WDFY4: variants seen among roughly 807,000 people sequenced by gnomAD.
WDFY4 encodes WDFY family member 4.
A neutral mutation model predicts 351.9 loss-of-function variants in WDFY4; 169 were observed. The ratio of observed to expected loss-of-function variants is 0.48; its 90% CI spans 0.42 to 0.55. WDFY4 has a LOEUF of 0.55. WDFY4 is among the 20% of genes least tolerant of loss of function. WDFY4 has a pLI of 0.00. For synonymous variants in WDFY4, 1,622 were observed against 1,574.6 expected (o/e 1.03, Z -0.71); for missense variants, 3,803 against 3,935.6 (o/e 0.97, Z 0.90).
rs140800694 is a variant in WDFY4 at position 48,895,911 on chromosome 10, G to A, written c.7317-1543G>A. Among the ~76,000 whole-genome samples the A allele has an allele frequency of 2.8e-3, 430 of 152,198 alleles. 1 individual carries two copies. Among genetic ancestry groups the A allele is most frequent in the Non-Finnish European group, 5.2e-3 (356 of 67,978 alleles). On this transcript the variant is annotated intron_variant, in intron 44 of 61. Transcript: ENST00000325239. ...GTTCCTCCAGGTGCCCAGGAGGTGG[G>A]TCCCTCATCACACGTGGGTCCCTTC...
intron 8 of WDFY4, 30 bp downstream of exon 8, chr10:48,729,619 A>G (rs1195592270): frequency 6.5e-7 from 1 of 1,550,356 alleles, no homozygotes; most frequent in Non-Finnish European, 8.7e-7. Context: ...GGGTGACCGG[A>G]AGAGTCAGTG....
intron 61 of WDFY4, among the ~76,000 whole-genome samples, chr10:48,982,045 G>T (rs1842830967): frequency 6.6e-6 from 1 of 152,214 alleles, no homozygotes; most frequent in African/African-American, 2.4e-5. Flanking sequence ...TCCCTCACTG[G>T]CGTGGCGTGG....
intron 40 of WDFY4, among the ~76,000 whole-genome samples, chr10:48,868,886 G>A (rs963854030): frequency 3.9e-5 from 6 of 152,132 alleles, no homozygotes; most frequent in African/African-American, 1.4e-4. Flanking sequence ...TTGTGGGAAG[G>A]ATGCAACTCC....
intron 13 of WDFY4, among the ~76,000 whole-genome samples, chr10:48,770,002 C>T (rs1364667812): frequency 5.3e-5 from 8 of 152,170 alleles, no homozygotes; most frequent in Non-Finnish European, 1.0e-4. Flanking sequence ...AAGTAATATG[C>T]GTTAGGAAAA....
chr10:48,718,498 G>A (rs989728966), intron 2 of WDFY4, among the ~76,000 whole-genome samples: 1 of 152,244 alleles, frequency 6.6e-6, no homozygotes, highest in African/African-American at 2.4e-5. Flanking sequence ...CTTTGAGCAG[G>A]AGCTTAAGCG....
chr10:48,786,590 T>G, intron 19 of WDFY4, 49 bp from the exon 20 acceptor site: 1 of 1,385,948 alleles, frequency 7.2e-7, no homozygotes, highest in Non-Finnish European at 9.8e-7. Flanking sequence ...TTTACTTGAT[T>G]AACTCTGAGA....
chr10:48,777,433 C>T lies in WDFY4; in HGVS notation c.3113C>T (p.Pro1038Leu), dbSNP rs1439790372. The T allele has an allele frequency of 1.9e-6, 3 of 1,551,688 alleles. No individual in the cohort carries two copies. Among genetic ancestry groups the T allele is most frequent in the African/African-American group, 1.4e-5 (1 of 73,152 alleles). Residue 1038 changes from proline to leucine, a missense_variant, in exon 17 of 62, where the codon CCA (proline) becomes CTA (leucine). Physicochemically the swap from Pro to Leu is moderately conservative, Grantham distance 98. Transcript: ENST00000325239. ...TCTATTTCCAGCTGTTTGTTTATTC[C>T]AACCCTGTCCACAGTTATGGGAACC... ...SVEGYGCLFIPTLSTVMGTST... is the reference protein window; with the variant it reads ...SVEGYGCLFILTLSTVMGTST...
chr10:48,836,535 C>T (rs2133094376), intron 39 of WDFY4, among the ~76,000 whole-genome samples: 1 of 152,306 alleles, frequency 6.6e-6, no homozygotes, highest in Middle Eastern at 3.4e-3. Flanking sequence ...CCCTATAGCA[C>T]TGATAAATTG....
At position 48,743,486 on chromosome 10, in the gene WDFY4, G is replaced by T; in HGVS notation, c.2397G>T (p.Gln799His). 6.5e-7 allele frequency: 1 copy of T among 1,545,350 alleles called. No individual in the cohort carries two copies. The highest frequency in any genetic ancestry group is 8.7e-7 in the Non-Finnish European group (1 of 1,146,848). ...AGCAGGGGCCGGTTGTGGATGTTCAGAAGGGAGAAACTGGCAGTGACCCCC... is the reference window on the plus strand; with the variant it reads ...AGCAGGGGCCGGTTGTGGATGTTCATAAGGGAGAAACTGGCAGTGACCCCC... ...RTKQGPVVDV[Q>H]KGETGSDPQR... The change falls in exon 12 of 62, where the codon CAG becomes CAT. Residue 799 changes from glutamine to histidine, a missense_variant. This residue lies in a region of WDFY4 where 3,054 missense variants were observed against 3,148.6 expected (regional missense o/e 0.97). Transcript: ENST00000325239.
intron 49 of WDFY4, among the ~76,000 whole-genome samples, chr10:48,945,343 A>G (rs1445516292): frequency 6.6e-6 from 1 of 152,128 alleles, no homozygotes. Flanking sequence ...TCCACTCCAT[A>G]CCAGCCTGGG....
At chr10:48,864,322 A>G (rs2069458760) in intron 39 of WDFY4, among the ~76,000 whole-genome samples, 1 of 152,198 alleles carries the variant, frequency 6.6e-6, no homozygotes, top group South Asian at 2.1e-4. Flanking sequence ...TTCCATCGCC[A>G]TTTGTTAAAA....
intron 44 of WDFY4, among the ~76,000 whole-genome samples, chr10:48,896,436 C>T (rs751599802): frequency 6.6e-6 from 1 of 152,152 alleles, no homozygotes; most frequent in African/African-American, 2.4e-5. Context: ...CCGAAGATGT[C>T]AGGGAGACAG....
intron 39 of WDFY4, among the ~76,000 whole-genome samples, chr10:48,846,321 C>G (rs955916551): frequency 6.6e-6 from 1 of 152,190 alleles, no homozygotes; most frequent in Non-Finnish European, 1.5e-5. Flanking sequence ...TTAGAGGAGG[C>G]CTGCAGGGAT....
rs144332452 is a variant in WDFY4, at chr10:48,879,464, C to T, written c.7167+2265C>T. Among the ~76,000 whole-genome samples, 23 of 152,330 alleles carry T rather than the reference C, an allele frequency of 1.5e-4. No individual in the cohort carries two copies. In the East Asian group the frequency reaches 4.4e-3, roughly 29 times the overall value. ...GTCTCCATATTGGTTCTTTTCATTG[C>T]TTTAATAGGAGAACAATGGCAGTGC... is the stretch of plus-strand genomic sequence containing the variant. On this transcript the variant is annotated intron_variant, in intron 43 of 61. Coordinates refer to ENST00000325239, the MANE Select transcript of WDFY4 (RefSeq NM_001394531.1).
At chr10:48,885,473 G>A (rs2070415825) in intron 43 of WDFY4, among the ~76,000 whole-genome samples, 1 of 152,234 alleles carries the variant, frequency 6.6e-6, no homozygotes, top group Non-Finnish European at 1.5e-5. Flanking sequence ...CCAAACAAGA[G>A]CAAAGGTATT....
chr10:48,910,120 G>A, intron 47 of WDFY4: 1 of 986,136 alleles, frequency 1.0e-6, no homozygotes, highest in Non-Finnish European at 1.6e-6. Context: ...GCTCCGGCGA[G>A]CCTGGTTTCC....
At chr10:48,786,521 A>G in intron 19 of WDFY4, 118 bp from the exon 20 acceptor site, 1 of 787,490 alleles carries the variant, frequency 1.3e-6, no homozygotes, top group Admixed American at 3.5e-5. Context: ...AGTTTTTTAG[A>G]TAAAATACAT....
At chr10:48,970,573 A>T (rs967979563) in intron 57 of WDFY4, among the ~76,000 whole-genome samples, 3 of 152,226 alleles carry the variant, frequency 2.0e-5, no homozygotes, top group Non-Finnish European at 2.9e-5. Flanking sequence ...TTAGCGAGAG[A>T]TGCCGGGCCA....
chr10:48,886,949 CTT>C (rs2070481610), intron 43 of WDFY4, among the ~76,000 whole-genome samples: 2 of 152,230 alleles, frequency 1.3e-5, no homozygotes, highest in Non-Finnish European at 2.9e-5. Flanking sequence ...CATGAGTAAA[CTT>C]AGGGATGGAG....
Sources: gnomAD v4.1 joint callset for allele counts (sites outside exome capture counted in the v4.1 genomes callset) on GRCh38, gnomAD v4.1.1 for gene constraint, gnomAD v4.1.1 regional missense constraint, MANE v1.5 for transcripts, NCBI Gene and HGNC (gene_info 2026-07-23, HGNC 2026-07-21) for gene names.